Variants in IL1RAPL2 observed in about 807,000 individuals in gnomAD.
The protein encoded by IL1RAPL2 is interleukin 1 receptor accessory protein like 2.
In IL1RAPL2, 3 loss-of-function variants were observed where a neutral mutation model predicts 44.1. The ratio of observed to expected loss-of-function variants is 0.07; its 90% CI spans 0.03 to 0.18. IL1RAPL2 has a LOEUF of 0.18. IL1RAPL2 is among the 10% of genes least tolerant of loss of function. The pLI is 1.00. For missense variants in IL1RAPL2, 391 were observed against 496.4 expected (o/e 0.79, Z 2.02); for synonymous variants, 181 against 178.8 (o/e 1.01, Z -0.10).
intron 6 of IL1RAPL2, among the ~76,000 whole-genome samples, chrX:105,533,288 T>G (rs766426609): frequency 1.8e-5 from 2 of 112,558 alleles, no homozygotes; most frequent in African/African-American, 6.4e-5. Flanking sequence ...AATTTTTATT[T>G]TGAAATCATT....
intron 6 of IL1RAPL2, among the ~76,000 whole-genome samples, chrX:105,686,150 G>A (rs1047267376): frequency 2.5e-4 from 27 of 109,996 alleles, no homozygotes; most frequent in South Asian, 3.9e-4. Flanking sequence ...ATCAATTAAC[G>A]GGCAAAATAA....
At chrX:105,476,609 C>T (rs983066803) in intron 5 of IL1RAPL2, among the ~76,000 whole-genome samples, 2 of 111,718 alleles carry the variant, frequency 1.8e-5, no homozygotes, top group African/African-American at 3.3e-5. Context: ...TGATCTGTTT[C>T]CTCCTGTTAC....
At chrX:105,075,407 G>A (rs1481214651) in intron 2 of IL1RAPL2, among the ~76,000 whole-genome samples, 2 of 111,246 alleles carry the variant, frequency 1.8e-5, no homozygotes, top group Non-Finnish European at 1.9e-5. Flanking sequence ...TGATCATGGT[G>A]GATAAGCTTT....
At chrX:105,395,634 T>C (rs1279466214) in intron 5 of IL1RAPL2, among the ~76,000 whole-genome samples, 1 of 111,224 alleles carries the variant, frequency 9.0e-6, no homozygotes, top group Non-Finnish European at 1.9e-5. Context: ...AAGATGTGGT[T>C]TGAAAAAAAT....
intron 6 of IL1RAPL2, among the ~76,000 whole-genome samples, chrX:105,509,500 C>T (rs1261811190): frequency 8.9e-6 from 1 of 111,797 alleles, no homozygotes; most frequent in Non-Finnish European, 1.9e-5. Flanking sequence ...CAGAAGCTTA[C>T]CACGAGTTAA....
chrX:104,895,092 A>C (rs1476286246), intron 2 of IL1RAPL2, among the ~76,000 whole-genome samples: 1 of 112,498 alleles, frequency 8.9e-6, no homozygotes, highest in African/African-American at 3.2e-5. Flanking sequence ...CGGAGGCTGC[A>C]GAACAGCGAA....
At chrX:105,342,984 G>A (rs1341139243) in intron 5 of IL1RAPL2, among the ~76,000 whole-genome samples, 2 of 111,083 alleles carry the variant, frequency 1.8e-5, no homozygotes, top group Admixed American at 1.9e-4. Context: ...GGAAAACAGG[G>A]AAGGACAGCA....
intron 2 of IL1RAPL2, among the ~76,000 whole-genome samples, chrX:104,944,002 T>C (rs1925275131): frequency 8.9e-6 from 1 of 111,835 alleles, no homozygotes; most frequent in Non-Finnish European, 1.9e-5. Flanking sequence ...TGGCTCCTCA[T>C]GTGTGGAAGT....
chrX:105,419,660 C>T (rs757254335), intron 5 of IL1RAPL2, among the ~76,000 whole-genome samples: 1 of 112,145 alleles, frequency 8.9e-6, no homozygotes, highest in South Asian at 3.7e-4. Flanking sequence ...ATGCAAGTAT[C>T]ACAGCAAATT....
intron 1 of IL1RAPL2, among the ~76,000 whole-genome samples, chrX:104,648,188 C>T (rs1397697699): frequency 8.9e-6 from 1 of 111,922 alleles, no homozygotes; most frequent in Non-Finnish European, 1.9e-5. Context: ...TCTTGTAGAT[C>T]TACCCATGTC....
intron 2 of IL1RAPL2, among the ~76,000 whole-genome samples, chrX:104,911,941 T>C (rs1225206064): frequency 9.0e-6 from 1 of 111,620 alleles, no homozygotes; most frequent in Non-Finnish European, 1.9e-5. Context: ...TTCACTCAAA[T>C]ATCGCTTTCT....
At chrX:105,555,553 A>G (rs2036890959) in intron 6 of IL1RAPL2, among the ~76,000 whole-genome samples, 1 of 112,058 alleles carries the variant, frequency 8.9e-6, no homozygotes, top group African/African-American at 3.2e-5. Context: ...GTCATTCCTC[A>G]GAGTTGGCTT....
intron 2 of IL1RAPL2, among the ~76,000 whole-genome samples, chrX:104,879,424 C>T (rs774247444): frequency 7.4e-4 from 72 of 97,793 alleles, no homozygotes; most frequent in African/African-American, 2.8e-3. Context: ...AAATTGACAG[C>T]ACTTTGGTGT....
chrX:105,491,030 G>A (rs2036313577), intron 6 of IL1RAPL2, among the ~76,000 whole-genome samples: 2 of 111,341 alleles, frequency 1.8e-5, no homozygotes, highest in Non-Finnish European at 3.8e-5. Flanking sequence ...ATCATAAATT[G>A]TCCACCATTT....
At chrX:104,736,062 A>G (rs1347903039) in intron 2 of IL1RAPL2, among the ~76,000 whole-genome samples, 1 of 110,563 alleles carries the variant, frequency 9.0e-6, no homozygotes, top group Non-Finnish European at 1.9e-5. Flanking sequence ...CCCTCCTCAC[A>G]TGTTGTTTTC....
intron 2 of IL1RAPL2, among the ~76,000 whole-genome samples, chrX:104,906,682 T>G (rs964914923): frequency 1.8e-5 from 2 of 111,926 alleles, no homozygotes; most frequent in Non-Finnish European, 3.8e-5. Context: ...GATAAGCTTT[T>G]TGATGTGCTG....
At chrX:105,470,033 T>A (rs1405867188) in intron 5 of IL1RAPL2, among the ~76,000 whole-genome samples, 1 of 111,083 alleles carries the variant, frequency 9.0e-6, no homozygotes, top group Non-Finnish European at 1.9e-5. Flanking sequence ...GGTGACAAAA[T>A]CCTTTAAAAC....
In IL1RAPL2 at chrX:105,429,040, G is replaced by C. The variant is rs190036989; in HGVS notation, c.698-55273G>C. 4.6e-3 allele frequency among the ~76,000 whole-genome samples: 516 copies of C among 111,419 alleles called. 5 individuals are homozygous for C. The highest frequency in any genetic ancestry group is 0.016 in the African/African-American group (489 of 30,771). On this transcript the variant is annotated intron_variant, in intron 5 of 10. Transcript: ENST00000372582. ...ATCTGAAGCAAAAGCCATGCCAAAC[G>C]TTACTGAAGAAAGCTTTGAAATATA...
chrX:104,857,566 A>C (rs914290325), intron 2 of IL1RAPL2, among the ~76,000 whole-genome samples: 1 of 112,058 alleles, frequency 8.9e-6, no homozygotes, highest in African/African-American at 3.2e-5. Context: ...ACTGTTTATT[A>C]AATGTTGCTA....
Sources: gnomAD v4.1 joint callset for allele counts (sites outside exome capture counted in the v4.1 genomes callset) on GRCh38, gnomAD v4.1.1 for gene constraint, MANE v1.5 for transcripts, NCBI Gene and HGNC (gene_info 2026-07-23, HGNC 2026-07-21) for gene names.